Variants in VPS13B observed in about 807,000 individuals in gnomAD.
The protein encoded by VPS13B is vacuolar protein sorting 13 homolog B.
VPS13B carries 285 observed loss-of-function variants against 426.4 expected under a neutral mutation model. That is an observed-to-expected ratio of 0.67 (90% CI 0.61 to 0.74). VPS13B has a LOEUF of 0.74. Among genes scored for constraint, VPS13B ranks in the 30% least tolerant of loss-of-function variants. The pLI is 0.00. For synonymous variants in VPS13B, 1,676 were observed against 1,676.4 expected, an observed-to-expected ratio of 1.00 and a Z score of 0.01; for missense variants, 4,537 against 4,782.6, an observed-to-expected ratio of 0.95 and a Z score of 1.51.
intron 11 of VPS13B, 35 bp from the exon 12 acceptor site, chr8:99,136,630 C>G: frequency 1.2e-6 from 2 of 1,608,780 alleles, no homozygotes; most frequent in South Asian, 2.2e-5. Context: ...TTCTTTTATA[C>G]AATGTTTATT....
At chr8:99,308,579 T>C (rs1820768749) in intron 19 of VPS13B, among the ~76,000 whole-genome samples, 2 of 152,320 alleles carry the variant, frequency 1.3e-5, no homozygotes, top group East Asian at 1.9e-4. Flanking sequence ...CAGTCTATCA[T>C]TGTTGGACAT....
intron 17 of VPS13B, among the ~76,000 whole-genome samples, chr8:99,257,346 A>G (rs1010296324): frequency 4.6e-5 from 7 of 152,194 alleles, no homozygotes; most frequent in African/African-American, 1.7e-4. Context: ...TAGTAAAAAA[A>G]TAGCTTGTTG....
At chr8:99,237,010 T>A (rs920663198) in intron 17 of VPS13B, among the ~76,000 whole-genome samples, 11 of 152,168 alleles carry the variant, frequency 7.2e-5, no homozygotes, top group Non-Finnish European at 2.9e-5. Flanking sequence ...TGAATAAGTC[T>A]TACAAGATCT....
intron 3 of VPS13B, among the ~76,000 whole-genome samples, chr8:99,060,796 G>A (rs569007022): frequency 1.3e-5 from 2 of 151,898 alleles, no homozygotes; most frequent in African/African-American, 4.8e-5. Flanking sequence ...TTGGAATTCT[G>A]TATTTGTTTC....
chr8:99,493,774 T>A, intron 25 of VPS13B, among the ~76,000 whole-genome samples: 1 of 111,800 alleles, frequency 8.9e-6, no homozygotes, highest in African/African-American at 3.6e-5. Context: ...AGAGCAAGAC[T>A]CTATCTAAAA....
chr8:99,211,114 T>G (rs1242575297), intron 17 of VPS13B, among the ~76,000 whole-genome samples: 1 of 152,134 alleles, frequency 6.6e-6, no homozygotes, highest in Non-Finnish European at 1.5e-5. Flanking sequence ...CTACCATGAT[T>G]GTAAGATGAA....
rs371961155 is a variant in VPS13B, at chr8:99,511,141, A to T, written c.4262A>T (p.His1421Leu). Residue 1421 changes from histidine (H) to leucine (L), a missense_variant, in exon 29 of 62, where the codon CAT becomes CTT. His to Leu is a moderately conservative substitution (Grantham distance 99). Around this residue, in one of 2 missense-constraint regions of VPS13B, gnomAD observed 4,311 missense variants for 4,474.3 expected, o/e 0.96. Transcript: ENST00000357162. ...CTTCTAGATGGCACTCATCAGCAGC[A>T]TGGATTCCTCTCTCTGACATACACA... is the stretch of plus-strand genomic sequence containing the variant. ...TKLLDGTHQQHGFLSLTYTKA... is the reference protein window; with the variant it reads ...TKLLDGTHQQLGFLSLTYTKA... 9.3e-6 allele frequency: 15 copies of T among 1,613,620 alleles called. No individual in the cohort carries two copies. The highest frequency in any genetic ancestry group is 1.3e-5 in the African/African-American group (1 of 74,928).
chr8:99,638,335 G>A (rs909732003), intron 33 of VPS13B, among the ~76,000 whole-genome samples: 12 of 152,188 alleles, frequency 7.9e-5, no homozygotes, highest in African/African-American at 2.9e-4. Flanking sequence ...GGAGATAGTA[G>A]TACTCCTCCT....
chr8:99,106,684 T>C (rs1011133158), intron 5 of VPS13B, among the ~76,000 whole-genome samples: 2 of 152,204 alleles, frequency 1.3e-5, no homozygotes, highest in Non-Finnish European at 2.9e-5. Flanking sequence ...TTTGTATGAA[T>C]GGAACCATAT....
intron 25 of VPS13B, among the ~76,000 whole-genome samples, chr8:99,487,581 A>G (rs78908153): frequency 1.3e-5 from 2 of 152,106 alleles, no homozygotes. Context: ...CAGAATCTCT[A>G]TCCCCATCGA....
intron 36 of VPS13B, 127 bp downstream of exon 36, chr8:99,700,059 G>A: frequency 9.0e-7 from 1 of 1,112,692 alleles, no homozygotes; most frequent in Non-Finnish European, 1.2e-6. Context: ...TTAGAGATGA[G>A]GACATTTCTG....
intron 17 of VPS13B, among the ~76,000 whole-genome samples, chr8:99,260,038 T>C (rs1817962363): frequency 6.6e-6 from 1 of 152,006 alleles, no homozygotes; most frequent in Non-Finnish European, 1.5e-5. Flanking sequence ...TCATAAGGAC[T>C]ACAGAATTTT....
At chr8:99,773,708 G>T (rs945475569) in intron 40 of VPS13B, among the ~76,000 whole-genome samples, 9 of 152,150 alleles carry the variant, frequency 5.9e-5, no homozygotes, top group African/African-American at 1.7e-4. Context: ...TACTATTTGA[G>T]AGGTCTTGCT....
chr8:99,115,001 A>G (rs1847577573), intron 6 of VPS13B, among the ~76,000 whole-genome samples: 1 of 151,988 alleles, frequency 6.6e-6, no homozygotes, highest in South Asian at 2.1e-4. Flanking sequence ...AGTTAATCTT[A>G]TTTCTTTGTT....
At chr8:99,234,066 C>T in intron 17 of VPS13B, 1 of 775,244 alleles carries the variant, frequency 1.3e-6, no homozygotes, top group Admixed American at 1.7e-5. Flanking sequence ...GGAAATCAGT[C>T]TGTCCGGCCT....
chr8:99,188,246 ATC>A (rs1813334789), intron 16 of VPS13B, among the ~76,000 whole-genome samples: 1 of 152,056 alleles, frequency 6.6e-6, no homozygotes, highest in African/African-American at 2.4e-5. Context: ...CATCACCACT[ATC>A]TAATTCCAGA....
intron 7 of VPS13B, chr8:99,120,443 G>T (rs1264088424): frequency 1.3e-5 from 2 of 152,012 alleles, no homozygotes; most frequent in Non-Finnish European, 2.9e-5. Flanking sequence ...GGACTTTGAT[G>T]GAGTTTGTCT....
At chr8:99,149,554 G>T (rs1563569102) in intron 14 of VPS13B, among the ~76,000 whole-genome samples, 1 of 151,746 alleles carries the variant, frequency 6.6e-6, no homozygotes, top group Non-Finnish European at 1.5e-5. Context: ...CTGACCTCAG[G>T]TGATCCACCT....
At chr8:99,035,225 A>G (rs554902716) in intron 2 of VPS13B, among the ~76,000 whole-genome samples, 157 of 152,202 alleles carry the variant, frequency 1.0e-3, no homozygotes, top group African/African-American at 3.5e-3. Context: ...AGTGTATACT[A>G]TATTACTATT....
Sources: allele counts gnomAD v4.1 joint callset (sites outside exome capture counted in the v4.1 genomes callset), GRCh38; gene constraint gnomAD v4.1.1; regional missense constraint gnomAD v4.1.1; transcripts MANE v1.5; gene names NCBI Gene and HGNC (gene_info 2026-07-23, HGNC 2026-07-21).